Variants in MEIOC observed in about 807,000 individuals in gnomAD.
MEIOC encodes the protein meiosis-specific coiled-coil domain-containing protein MEIOC.
Under a neutral mutation model 85.3 loss-of-function variants are expected in MEIOC, and 9 were observed. The ratio of observed to expected loss-of-function variants is 0.11; its 90% CI spans 0.06 to 0.18. MEIOC has a LOEUF of 0.18. Among genes scored for constraint, MEIOC ranks in the 10% least tolerant of loss-of-function variants. The pLI is 1.00. For missense variants in MEIOC, 898 were observed against 1,129.4 expected (o/e 0.80, Z 2.94); for synonymous variants, 365 against 393.7 (o/e 0.93, Z 0.86).
rs1311538056 is a variant in MEIOC at position 44,674,187 on chromosome 17, C to G, written c.2850C>G (p.Asn950Lys). The change falls in exon 8 of 8, where the codon AAC (asparagine) becomes AAG (lysine). Residue 950 changes from asparagine to lysine, a missense_variant. Physicochemically the swap from Asn to Lys is moderately conservative, Grantham distance 94. This residue lies in a region of MEIOC where 164 missense variants were observed against 269.2 expected (regional missense o/e 0.61). Coordinates refer to ENST00000409122, the MANE Select transcript of MEIOC (RefSeq NM_001145080.3). ...SNPMNQRGET[N>K]KH ...CAATGAACCAGAGAGGTGAAACAAACAAACATTAAGGAAATGCCAGCAGAA... is the reference window on the plus strand; with the variant it reads ...CAATGAACCAGAGAGGTGAAACAAAGAAACATTAAGGAAATGCCAGCAGAA... 6.5e-7 allele frequency: 1 copy of G among 1,549,608 alleles called. No homozygotes were observed. The highest frequency in any genetic ancestry group is 1.4e-5 in the African/African-American group (1 of 72,962).
chr17:44,671,692 G>A (rs965691585), intron 6 of MEIOC, among the ~76,000 whole-genome samples: 1 of 152,048 alleles, frequency 6.6e-6, no homozygotes, highest in African/African-American at 2.4e-5. Context: ...GGATCACAAG[G>A]TCAGGAGATC....
intron 2 of MEIOC, among the ~76,000 whole-genome samples, chr17:44,657,892 C>T (rs1478372454): frequency 2.6e-5 from 4 of 151,670 alleles, no homozygotes; most frequent in African/African-American, 9.7e-5. Flanking sequence ...CCTTCTGTTG[C>T]CCAGGCTGGA....
intron 3 of MEIOC, 43 bp downstream of exon 3, chr17:44,662,514 T>C: frequency 7.6e-7 from 1 of 1,320,426 alleles, no homozygotes; most frequent in Non-Finnish European, 1.0e-6. Context: ...TATTTTTAAA[T>C]TTAATTACAT....
Position 44,674,406 on chromosome 17 carries a change from T to A in MEIOC, c.*210T>A, listed in dbSNP as rs1972048687. On this transcript the variant is annotated 3_prime_UTR_variant, in exon 8 of 8. Coordinates refer to ENST00000409122, the MANE Select transcript of MEIOC (RefSeq NM_001145080.3). ...AAGTAAACGCAAAGGTACAGTTGAC[T>A]ACTCAGAGTTCTGAGTAGTCAGATA... is the stretch of plus-strand genomic sequence containing the variant. 7.5e-7 allele frequency: 1 copy of A among 1,330,928 alleles called. No individual in the cohort carries two copies. The highest frequency in any genetic ancestry group is 9.6e-7 in the Non-Finnish European group (1 of 1,039,058). 82.4% of individuals were successfully genotyped at this position (1,330,928 alleles called of 1,614,324 possible). A position where few individuals can be genotyped will look rare whatever the true frequency, so the allele number is the denominator to read the frequency against.
chr17:44,674,754 A>C lies in MEIOC; in HGVS notation c.*558A>C, dbSNP rs745625178. 14 of 977,020 alleles carry C rather than the reference A, an allele frequency of 1.4e-5. No homozygotes were observed. The highest frequency in any genetic ancestry group is 1.7e-5 in the Non-Finnish European group (14 of 822,236). 60.5% of individuals were successfully genotyped at this position (977,020 alleles called of 1,614,324 possible). On this transcript the variant is annotated 3_prime_UTR_variant, in exon 8 of 8. Coordinates refer to ENST00000409122, the MANE Select transcript of MEIOC (RefSeq NM_001145080.3). ...TTTAAAATACTATACTACCATATTT[A>C]TAAATTTGGAATCTTAATGCCTAGG... is the stretch of plus-strand genomic sequence containing the variant.
rs1971922213 is a variant in MEIOC at position 44,667,271 on chromosome 17, T to C, written c.1360T>C (p.Tyr454His). The C allele has an allele frequency of 1.2e-6, 2 of 1,613,668 alleles. No individual in the cohort carries two copies. The highest frequency in any genetic ancestry group is 8.5e-7 in the Non-Finnish European group (1 of 1,179,856). ...FAKPDPPHSEYFKSVNLLSNS... is the reference protein window; with the variant it reads ...FAKPDPPHSEHFKSVNLLSNS... ...TAAACCTGATCCCCCACATTCTGAG[T>C]ATTTTAAATCAGTGAATTTATTATC... Residue 454 changes from tyrosine (Y) to histidine (H), a missense_variant, in exon 5 of 8, where the codon TAT (tyrosine) becomes CAT (histidine). Coordinates refer to ENST00000409122, the MANE Select transcript of MEIOC (RefSeq NM_001145080.3).
At chr17:44,660,992 C>T (rs1971834234) in intron 2 of MEIOC, among the ~76,000 whole-genome samples, 1 of 151,742 alleles carries the variant, frequency 6.6e-6, no homozygotes, top group South Asian at 2.1e-4. Flanking sequence ...ATTACAGAAG[C>T]ATTCACCGAG....
At chr17:44,676,515 T>C (rs183228797), downstream of MEIOC, among the ~76,000 whole-genome samples, 6 of 152,252 alleles carry the variant, frequency 3.9e-5, no homozygotes, top group South Asian at 2.1e-4. Flanking sequence ...ATAGAAGATA[T>C]GGTTGTTTAA....
In MEIOC at chr17:44,674,447, T is replaced by C. The variant is rs1428222453; in HGVS notation, c.*251T>C. On this transcript the variant is annotated 3_prime_UTR_variant, in exon 8 of 8. Coordinates refer to ENST00000409122, the MANE Select transcript of MEIOC (RefSeq NM_001145080.3). Reference sequence around the variant, plus strand: ...TAGTCAGATAACAAGTTTAAGTAAATTAAATATTTCCTAACAGCTAAAATG... The same window carrying C: ...TAGTCAGATAACAAGTTTAAGTAAACTAAATATTTCCTAACAGCTAAAATG... 4.1e-6 allele frequency: 5 copies of C among 1,207,462 alleles called. No individual in the cohort carries two copies. The highest frequency in any genetic ancestry group is 3.1e-5 in the African/African-American group (2 of 64,970). The allele number at this position is 1,207,462 out of a possible 1,614,324, so 74.8% of individuals were successfully genotyped here.
intron 5 of MEIOC, among the ~76,000 whole-genome samples, chr17:44,668,647 G>A (rs1971950102): frequency 6.6e-6 from 1 of 152,138 alleles, no homozygotes; most frequent in South Asian, 2.1e-4. Flanking sequence ...CCTTATTTCT[G>A]AGCTGAATTC....
intron 2 of MEIOC, among the ~76,000 whole-genome samples, chr17:44,658,607 C>T (rs1379338916): frequency 2.6e-5 from 4 of 151,418 alleles, no homozygotes; most frequent in African/African-American, 7.3e-5. Context: ...CCAGCCTGGC[C>T]AACATGGCGA....
rs1972053404 is a variant in MEIOC, at chr17:44,674,745, A to G, written c.*549A>G. On this transcript the variant is annotated 3_prime_UTR_variant, in exon 8 of 8. Transcript: ENST00000409122. ...AACTTAATATTTAAAATACTATACT[A>G]CCATATTTATAAATTTGGAATCTTA... The G allele has an allele frequency of 3.1e-6, 3 of 974,470 alleles. No individual in the cohort carries two copies. The highest frequency in any genetic ancestry group is 3.7e-6 in the Non-Finnish European group (3 of 819,980). The allele number at this position is 974,470 out of a possible 1,614,324, so 60.4% of individuals were successfully genotyped here. A position where few individuals can be genotyped will look rare whatever the true frequency, so the allele number is the denominator to read the frequency against.
At chr17:44,658,468 TAC>T (rs994919785) in intron 2 of MEIOC, among the ~76,000 whole-genome samples, 5 of 151,010 alleles carry the variant, frequency 3.3e-5, no homozygotes, top group African/African-American at 1.2e-4. Flanking sequence ...ATCTTTTAAA[TAC>T]AGTGTTTGCA....
intron 3 of MEIOC, among the ~76,000 whole-genome samples, chr17:44,664,037 G>A (rs1206354813): frequency 6.6e-6 from 1 of 152,098 alleles, no homozygotes; most frequent in Non-Finnish European, 1.5e-5. Context: ...ACTATGAAAT[G>A]TTGAAATATG....
In MEIOC at chr17:44,674,160, T is replaced by C. The variant is rs1240046897; in HGVS notation, c.2823T>C (p.Asn941=). ...TCCATGAAAGCATAAATAGTAGCAA[T>C]CCAATGAACCAGAGAGGTGAAACAA... ...DKVHESINSS[N]PMNQRGETNK... is the part of the protein sequence containing the mutation. The change falls in exon 8 of 8, where the codon AAT becomes AAC. Residue 941 remains asparagine (N), a synonymous_variant. Transcript: ENST00000409122. 16 of 1,551,394 alleles carry C rather than the reference T, an allele frequency of 1.0e-5. No individual in the cohort carries two copies. Among genetic ancestry groups the C allele is most frequent in the Non-Finnish European group, 1.3e-5 (15 of 1,146,918 alleles).
chr17:44,675,242 T>C lies in MEIOC; in HGVS notation c.*1046T>C. ...GGTTAGCCTATATTTTGCGTAGTTG[T>C]GTTCATTAGTTTGCTTCTGTATTTT... On this transcript the variant is annotated 3_prime_UTR_variant, in exon 8 of 8. Coordinates refer to ENST00000409122, the MANE Select transcript of MEIOC (RefSeq NM_001145080.3). The C allele has an allele frequency of 2.0e-6, 2 of 985,016 alleles. No individual in the cohort carries two copies. Among genetic ancestry groups the C allele is most frequent in the Non-Finnish European group, 2.4e-6 (2 of 829,524 alleles). The allele number at this position is 985,016 out of a possible 1,614,324, so 61.0% of individuals were successfully genotyped here.
chr17:44,666,008 TC>T (rs1388424307), intron 4 of MEIOC, among the ~76,000 whole-genome samples: 3 of 152,178 alleles, frequency 2.0e-5, no homozygotes, highest in Non-Finnish European at 4.4e-5. Context: ...CACATTTTTT[TC>T]ATTAAAAAAA....
chr17:44,657,267 T>G lies in MEIOC; in HGVS notation c.204+6T>G. 2 of 1,550,162 alleles carry G rather than the reference T, an allele frequency of 1.3e-6. No homozygotes were observed. Among genetic ancestry groups the G allele is most frequent in the Non-Finnish European group, 1.7e-6 (2 of 1,145,448 alleles). On this transcript the variant is annotated splice_donor_region_variant and intron_variant, in intron 2 of 7. Transcript: ENST00000409122. Reference sequence around the variant, plus strand: ...ACGATTGCTACACATCGCAGGTCCTTTAGTAAACTCTGCCTCTGTTAGACG... The same window carrying G: ...ACGATTGCTACACATCGCAGGTCCTGTAGTAAACTCTGCCTCTGTTAGACG...
At position 44,666,912 on chromosome 17, in the gene MEIOC, C is replaced by T. The variant is rs746632654; in HGVS notation, c.1001C>T (p.Pro334Leu). 6.2e-7 allele frequency: 1 copy of T among 1,608,796 alleles called. No homozygotes were observed. The part of the protein sequence containing the change: ...DYCRYPEYVH[P>L]NKAKLNKCSN... Reference sequence around the variant, plus strand: ...TGTAGATACCCAGAGTATGTTCATCCTAATAAGGCTAAGCTTAATAAATGT... The same window carrying T: ...TGTAGATACCCAGAGTATGTTCATCTTAATAAGGCTAAGCTTAATAAATGT... The change falls in exon 5 of 8, where the codon CCT (proline) becomes CTT (leucine). Residue 334 changes from proline to leucine, a missense_variant. Pro to Leu is a moderately conservative substitution (Grantham distance 98, BLOSUM62 -3). This residue lies in a region of MEIOC where 734 missense variants were observed against 860.1 expected (regional missense o/e 0.85). Coordinates refer to ENST00000409122, the MANE Select transcript of MEIOC (RefSeq NM_001145080.3).
Sources: gnomAD v4.1 joint callset for allele counts (sites outside exome capture counted in the v4.1 genomes callset) on GRCh38, gnomAD v4.1.1 for gene constraint, gnomAD v4.1.1 regional missense constraint, MANE v1.5 for transcripts, NCBI Gene and HGNC (gene_info 2026-07-23, HGNC 2026-07-21) for gene names.